LRMDA: variants seen among roughly 807,000 people sequenced by gnomAD.
The protein encoded by LRMDA is leucine rich melanocyte differentiation associated.
In LRMDA, 18 loss-of-function variants were observed where a neutral mutation model predicts 29.8. That is an observed-to-expected ratio of 0.60 (90% CI 0.42 to 0.90). The LOEUF (loss-of-function observed/expected upper bound fraction) is 0.90, where lower values mean the gene tolerates loss of function less well. LRMDA is among the 40% of genes least tolerant of loss of function. The pLI is 0.00. For synonymous variants in LRMDA, 125 were observed against 109.4 expected (o/e 1.14, Z -0.89); for missense variants, 273 against 273.9 (o/e 1.00, Z 0.02).
chr10:76,483,066 T>G (rs1842747594), intron 6 of LRMDA, among the ~76,000 whole-genome samples: 1 of 152,002 alleles, frequency 6.6e-6, no homozygotes, highest in Non-Finnish European at 1.5e-5. Flanking sequence ...CTTTGTTCAT[T>G]TTTTAAAATT....
intron 2 of LRMDA, among the ~76,000 whole-genome samples, chr10:75,740,744 T>C (rs1308591383): frequency 6.6e-6 from 1 of 152,162 alleles, no homozygotes; most frequent in Admixed American, 6.5e-5. Context: ...TAGTGGTGCT[T>C]AGTAAGTAGC....
At chr10:76,201,878 G>A (rs146000759) in intron 5 of LRMDA, among the ~76,000 whole-genome samples, 26 of 152,168 alleles carry the variant, frequency 1.7e-4, no homozygotes, top group Non-Finnish European at 2.6e-4. Context: ...CAGATTGGCA[G>A]TTTGGACTCG....
intron 2 of LRMDA, among the ~76,000 whole-genome samples, chr10:75,457,327 G>T (rs926555970): frequency 6.6e-6 from 1 of 152,202 alleles, no homozygotes; most frequent in Non-Finnish European, 1.5e-5. Context: ...GGTTGACTGA[G>T]AAGAGGAAAA....
At chr10:75,627,628 C>G (rs1373633831) in intron 2 of LRMDA, among the ~76,000 whole-genome samples, 2 of 152,120 alleles carry the variant, frequency 1.3e-5, no homozygotes, top group African/African-American at 2.4e-5. Flanking sequence ...AATACTCAAT[C>G]AAAAGCAAGA....
chr10:76,063,222 A>G (rs750804036), intron 5 of LRMDA, among the ~76,000 whole-genome samples: 1 of 152,242 alleles, frequency 6.6e-6, no homozygotes, highest in African/African-American at 2.4e-5. Flanking sequence ...TTGCATTAAT[A>G]TCCATCCTCA....
At chr10:75,723,419 T>C (rs1025000131) in intron 2 of LRMDA, among the ~76,000 whole-genome samples, 4 of 152,248 alleles carry the variant, frequency 2.6e-5, no homozygotes, top group Non-Finnish European at 5.9e-5. Context: ...TAGATCACTA[T>C]GACGTTGAAA....
chr10:75,802,645 C>T (rs971150692), intron 2 of LRMDA, among the ~76,000 whole-genome samples: 12 of 150,904 alleles, frequency 8.0e-5, no homozygotes, highest in Admixed American at 2.0e-4. Context: ...GCTTCAAGAA[C>T]GAAGAAGATT....
At chr10:75,683,904 G>C (rs912559573) in intron 2 of LRMDA, among the ~76,000 whole-genome samples, 4 of 152,222 alleles carry the variant, frequency 2.6e-5, no homozygotes, top group Non-Finnish European at 4.4e-5. Flanking sequence ...CTAGGTCTAT[G>C]TGGGAAGTTC....
intron 5 of LRMDA, among the ~76,000 whole-genome samples, chr10:76,163,599 G>A (rs749025594): frequency 6.6e-6 from 1 of 152,040 alleles, no homozygotes; most frequent in Non-Finnish European, 1.5e-5. Context: ...TTCATACTTG[G>A]CTTAGCTAGA....
At chr10:75,999,494 T>G (rs956992108) in intron 2 of LRMDA, among the ~76,000 whole-genome samples, 6 of 152,214 alleles carry the variant, frequency 3.9e-5, no homozygotes, top group Non-Finnish European at 8.8e-5. Flanking sequence ...CCCAGATTGA[T>G]TTGAATGAAA....
chr10:75,829,080 G>A (rs1443647545), intron 2 of LRMDA, among the ~76,000 whole-genome samples: 1 of 152,198 alleles, frequency 6.6e-6, no homozygotes, highest in Non-Finnish European at 1.5e-5. Context: ...TTTAGCACAA[G>A]ATTCAAAAGT....
chr10:76,434,290 T>A lies in LRMDA; in HGVS notation c.601+109805T>A, dbSNP rs1473833482. ...GACTTTTCTTGGGTTTTGTTAAGTTTTAATCTCTTTTTTTCTCTCTCTCTT... is the reference window on the plus strand; with the variant it reads ...GACTTTTCTTGGGTTTTGTTAAGTTATAATCTCTTTTTTTCTCTCTCTCTT... On this transcript the variant is annotated intron_variant, in intron 6 of 6. Coordinates refer to ENST00000611255, the MANE Select transcript of LRMDA (RefSeq NM_001305581.2). Among the ~76,000 whole-genome samples the A allele has an allele frequency of 7.2e-5, 11 of 152,200 alleles. No homozygotes were observed. The East Asian group carries it at 2.1e-3, about 29-fold the overall frequency.
chr10:76,445,302 C>T (rs921116856), intron 6 of LRMDA, among the ~76,000 whole-genome samples: 6 of 152,132 alleles, frequency 3.9e-5, no homozygotes, highest in African/African-American at 1.4e-4. Flanking sequence ...AGTTGTACTG[C>T]CTGCTTTTAG....
At chr10:75,911,393 C>G in intron 2 of LRMDA, among the ~76,000 whole-genome samples, 1 of 152,106 alleles carries the variant, frequency 6.6e-6, no homozygotes, top group East Asian at 1.9e-4. Context: ...TGGGCACAGA[C>G]AGTGCTACCT....
At chr10:76,431,392 T>C (rs1842189531) in intron 6 of LRMDA, among the ~76,000 whole-genome samples, 1 of 152,182 alleles carries the variant, frequency 6.6e-6, no homozygotes, top group Non-Finnish European at 1.5e-5. Context: ...ATCAGCCTGC[T>C]TCCCTGGGTG....
chr10:75,463,984 T>C (rs1844622282), intron 2 of LRMDA, among the ~76,000 whole-genome samples: 1 of 151,940 alleles, frequency 6.6e-6, no homozygotes, highest in African/African-American at 2.4e-5. Flanking sequence ...GTATTTTTAG[T>C]AGAGATGGGG....
chr10:75,630,050 C>A (rs2132112191), intron 2 of LRMDA, among the ~76,000 whole-genome samples: 1 of 152,294 alleles, frequency 6.6e-6, no homozygotes, highest in East Asian at 1.9e-4. Flanking sequence ...TGATCAGGAG[C>A]TTTAGGAGCC....
chr10:75,553,725 G>T (rs1840181106), intron 2 of LRMDA, among the ~76,000 whole-genome samples: 1 of 152,132 alleles, frequency 6.6e-6, no homozygotes, highest in Non-Finnish European at 1.5e-5. Context: ...CTTTTAAGGA[G>T]GAAGTGGCTT....
chr10:76,099,116 T>C (rs561717351), intron 5 of LRMDA, among the ~76,000 whole-genome samples: 73 of 152,328 alleles, frequency 4.8e-4, no homozygotes, highest in Non-Finnish European at 8.2e-4. Flanking sequence ...TCCTAAACCA[T>C]AATTTCTAAT....
Sources: allele counts gnomAD v4.1 joint callset (sites outside exome capture counted in the v4.1 genomes callset), GRCh38; gene constraint gnomAD v4.1.1; transcripts MANE v1.5; gene names NCBI Gene and HGNC (gene_info 2026-07-23, HGNC 2026-07-21).